ARHGAP15: variants seen among roughly 807,000 people sequenced by gnomAD.
ARHGAP15 encodes the protein rho GTPase-activating protein 15.
In ARHGAP15, 51 loss-of-function variants were observed where a neutral mutation model predicts 63.7. The observed-to-expected ratio is 0.80, with a 90% confidence interval of 0.64 to 1.01. The LOEUF (loss-of-function observed/expected upper bound fraction) is 1.01. Ranked by LOEUF, ARHGAP15 falls within the 50% of genes least tolerant of loss-of-function variation. The probability of loss-of-function intolerance (pLI) is 0.00; values close to 1 mark genes in which losing one functional copy is unlikely to be tolerated. For synonymous variants in ARHGAP15, 191 were observed against 193.8 expected (o/e 0.99, Z 0.12); for missense variants, 560 against 564.6 (o/e 0.99, Z 0.08).
chr2:143,550,838 A>T (rs892964389), intron 10 of ARHGAP15, among the ~76,000 whole-genome samples: 15 of 152,340 alleles, frequency 9.8e-5, no homozygotes, highest in African/African-American at 3.4e-4. Context: ...CAAAATAGTT[A>T]TAAAAAACAA....
intron 6 of ARHGAP15, among the ~76,000 whole-genome samples, chr2:143,276,688 C>T (rs1681570063): frequency 1.3e-5 from 2 of 152,078 alleles, no homozygotes; most frequent in Admixed American, 6.5e-5. Context: ...GTTTTAGCTA[C>T]TTGGGAGGCT....
intron 13 of ARHGAP15, among the ~76,000 whole-genome samples, chr2:143,725,917 A>G (rs1685251976): frequency 6.6e-6 from 1 of 152,244 alleles, no homozygotes; most frequent in South Asian, 2.1e-4. Flanking sequence ...GATAACCTGA[A>G]TATCTATACA....
Position 143,468,633 on chromosome 2 carries a change from TGAGAGAGA to T in ARHGAP15, c.704-18716_704-18709del, listed in dbSNP as rs60106286. Among the ~76,000 whole-genome samples, 1,006 of 135,222 alleles carry T rather than the reference TGAGAGAGA, an allele frequency of 7.4e-3. 10 individuals are homozygous for T. The highest frequency in any genetic ancestry group is 0.027 in the African/African-American group (915 of 34,382). 88.7% of individuals were successfully genotyped at this position (135,222 alleles called of 152,430 possible). On this transcript the variant is annotated intron_variant, in intron 8 of 13. Coordinates refer to ENST00000295095, the MANE Select transcript of ARHGAP15 (RefSeq NM_018460.4). ...CCATAGGTTGCTATGGGTTTCTTTG[TGAGAGAGA>T]GAGAGAGAGAGAGAGAGAGAGAGTG...
intron 12 of ARHGAP15, among the ~76,000 whole-genome samples, chr2:143,632,564 G>A (rs1315716902): frequency 6.6e-6 from 1 of 152,024 alleles, no homozygotes. Flanking sequence ...AAGATCAACT[G>A]AGCACCATTA....
intron 13 of ARHGAP15, chr2:143,766,550 A>T (rs1287740194): frequency 6.6e-6 from 1 of 152,176 alleles, no homozygotes; most frequent in East Asian, 1.9e-4. Flanking sequence ...GTCTCAACTT[A>T]ATAAGGAAAG....
At chr2:143,744,276 T>A (rs146668960) in intron 13 of ARHGAP15, among the ~76,000 whole-genome samples, 3,031 of 152,326 alleles carry the variant, frequency 0.02, 59 homozygotes, top group Non-Finnish European at 0.033. Flanking sequence ...CAGTTCTGCA[T>A]TGTATATGTA....
chr2:143,650,266 CATT>C (rs1681094375), intron 12 of ARHGAP15, among the ~76,000 whole-genome samples: 2 of 151,964 alleles, frequency 1.3e-5, no homozygotes, highest in African/African-American at 4.8e-5. Context: ...GTGGCACTAT[CATT>C]ATTCAAACAG....
rs76009344 is a variant in ARHGAP15, at chr2:143,639,953, T to C, written c.1138+15686T>C. Reference sequence around the variant, plus strand: ...CTTAATAGTATTGTAAGAGTATTTTTAGTTGGGACATTTTAAAATAAAATT... The same window carrying C: ...CTTAATAGTATTGTAAGAGTATTTTCAGTTGGGACATTTTAAAATAAAATT... On this transcript the variant is annotated intron_variant, in intron 12 of 13. Coordinates refer to ENST00000295095, the MANE Select transcript of ARHGAP15 (RefSeq NM_018460.4). Among the ~76,000 whole-genome samples the C allele has an allele frequency of 2.6e-4, 39 of 152,310 alleles. No individual in the cohort carries two copies. In the East Asian group the frequency reaches 7.3e-3, roughly 29 times the overall value.
rs186943518 is a variant in ARHGAP15, at chr2:143,566,924, G to A, written c.1003+10439G>A. On this transcript the variant is annotated intron_variant, in intron 11 of 13. Transcript: ENST00000295095. ...TTTTTTTGAGACAGAGTCTCGCTCT[G>A]TCGCCCAGTGCCACGATCTCGGTTC... Among the ~76,000 whole-genome samples, 444 of 150,102 alleles carry A rather than the reference G, an allele frequency of 3.0e-3. 3 individuals carry two copies. Among genetic ancestry groups the A allele is most frequent in the African/African-American group, 0.01 (420 of 40,654 alleles).
At chr2:143,659,904 CA>C (rs1681663594) in intron 12 of ARHGAP15, among the ~76,000 whole-genome samples, 1 of 151,726 alleles carries the variant, frequency 6.6e-6, no homozygotes, top group Admixed American at 6.6e-5. Flanking sequence ...TTTTTTCCCC[CA>C]AGAGAATTTG....
intron 5 of ARHGAP15, among the ~76,000 whole-genome samples, chr2:143,248,124 G>A (rs1694115731): frequency 6.6e-6 from 1 of 152,164 alleles, no homozygotes; most frequent in Non-Finnish European, 1.5e-5. Context: ...GTTAATTTCA[G>A]TTAGGAGGAG....
rs902873366 is a variant in ARHGAP15 at position 143,391,872 on chromosome 2, A to G, written c.475-43729A>G. Reference sequence around the variant, plus strand: ...AATTCACATTTCAAAAATGATTACTACAGATTTCAAGACATTTATCATGTT... The same window carrying G: ...AATTCACATTTCAAAAATGATTACTGCAGATTTCAAGACATTTATCATGTT... On this transcript the variant is annotated intron_variant, in intron 6 of 13. Coordinates refer to ENST00000295095, the MANE Select transcript of ARHGAP15 (RefSeq NM_018460.4). 2.6e-5 allele frequency among the ~76,000 whole-genome samples: 4 copies of G among 152,182 alleles called. No homozygotes were observed. In the South Asian group the frequency reaches 6.2e-4, roughly 24 times the overall value.
intron 2 of ARHGAP15, among the ~76,000 whole-genome samples, chr2:143,195,597 C>A (rs1474521828): frequency 6.6e-6 from 1 of 151,988 alleles, no homozygotes; most frequent in Non-Finnish European, 1.5e-5. Context: ...TTGGGATACA[C>A]CAAAAAAACT....
intron 6 of ARHGAP15, among the ~76,000 whole-genome samples, chr2:143,346,202 TCACA>T (rs1176819904): frequency 3.0e-5 from 4 of 133,322 alleles, no homozygotes; most frequent in Non-Finnish European, 4.8e-5. Flanking sequence ...ACTCTCTCTC[TCACA>T]CACACACTCT....
At chr2:143,378,978 T>A (rs924264077) in intron 6 of ARHGAP15, among the ~76,000 whole-genome samples, 2 of 151,826 alleles carry the variant, frequency 1.3e-5, no homozygotes, top group African/African-American at 4.8e-5. Flanking sequence ...TTTAATTATT[T>A]TTTTATTTTT....
At chr2:143,736,341 A>T (rs1685743588) in intron 13 of ARHGAP15, among the ~76,000 whole-genome samples, 1 of 151,912 alleles carries the variant, frequency 6.6e-6, no homozygotes, top group Non-Finnish European at 1.5e-5. Context: ...GGTTGCAGTG[A>T]GCCCAGATTG....
chr2:143,363,547 A>G (rs1468155989), intron 6 of ARHGAP15, among the ~76,000 whole-genome samples: 2 of 152,156 alleles, frequency 1.3e-5, no homozygotes, highest in Admixed American at 1.3e-4. Context: ...TGTTCTTTAT[A>G]TAGTTTTCTT....
rs928393043 is a variant in ARHGAP15, at chr2:143,662,577, C to T, written c.1138+38310C>T. Among the ~76,000 whole-genome samples the T allele has an allele frequency of 2.3e-5, 3 of 128,398 alleles. 1 individual carries two copies. The highest frequency in any genetic ancestry group is 3.5e-5 in the Non-Finnish European group (2 of 56,710). The allele number at this position is 128,398 out of a possible 152,430, so 84.2% of individuals were successfully genotyped here. On this transcript the variant is annotated intron_variant, in intron 12 of 13. Coordinates refer to ENST00000295095, the MANE Select transcript of ARHGAP15 (RefSeq NM_018460.4). ...AAAGCTGGATGGAGAATGACTTTGACGAGCCGAGAGAAGAAGGCTTCAGAC... is the reference window on the plus strand; with the variant it reads ...AAAGCTGGATGGAGAATGACTTTGATGAGCCGAGAGAAGAAGGCTTCAGAC...
chr2:143,182,724 C>T (rs1400665666), intron 2 of ARHGAP15, among the ~76,000 whole-genome samples: 4 of 152,140 alleles, frequency 2.6e-5, no homozygotes, highest in East Asian at 1.9e-4. Flanking sequence ...GAGGCAATCA[C>T]GTGCAACAGC....
Sources: allele counts gnomAD v4.1 joint callset (sites outside exome capture counted in the v4.1 genomes callset), GRCh38; gene constraint gnomAD v4.1.1; transcripts MANE v1.5; gene names NCBI Gene and HGNC (gene_info 2026-07-23, HGNC 2026-07-21).